The following EXD3 variants were observed in gnomAD, a reference collection of about 807,000 sequenced individuals.
EXD3 encodes exonuclease mut-7 homolog.
In EXD3, 92 loss-of-function variants were observed where a neutral mutation model predicts 98.0. The observed-to-expected ratio is 0.94, with a 90% CI of 0.79 to 1.12. The LOEUF is 1.12. Among genes scored for constraint, EXD3 ranks in the 50% most tolerant of loss-of-function variants. The pLI is 0.00. For missense variants in EXD3, 1,222 were observed against 1,191.6 expected (o/e 1.03, Z -0.38); for synonymous variants, 569 against 526.0 (o/e 1.08, Z -1.12).
chr9:137,368,929 G>C (rs1334488449), intron 5 of EXD3, among the ~76,000 whole-genome samples: 7 of 147,294 alleles, frequency 4.8e-5, no homozygotes, highest in African/African-American at 1.8e-4. Context: ...CGCCTGGCCC[G>C]GGAAGGGAGT....
At chr9:137,364,707 C>G (rs911815929) in intron 7 of EXD3, among the ~76,000 whole-genome samples, 1 of 151,346 alleles carries the variant, frequency 6.6e-6, no homozygotes, top group Non-Finnish European at 1.5e-5. Flanking sequence ...GTGTATATTT[C>G]TTTTCTTCGC....
chr9:137,358,913 T>C (rs1207872663), intron 7 of EXD3, among the ~76,000 whole-genome samples: 1 of 151,244 alleles, frequency 6.6e-6, no homozygotes, highest in African/African-American at 2.4e-5. Flanking sequence ...TTCAAACTCC[T>C]GGCCTTAAGC....
intron 1 of EXD3, among the ~76,000 whole-genome samples, chr9:137,397,387 A>G (rs551777794): frequency 1.5e-4 from 23 of 152,314 alleles, no homozygotes; most frequent in African/African-American, 5.3e-4. Context: ...CCCCAAGTTC[A>G]AGGGACTCAG....
intron 2 of EXD3, chr9:137,392,752 G>A (rs1229690737): frequency 2.8e-5 from 10 of 356,112 alleles, no homozygotes; most frequent in African/African-American, 4.5e-5. Context: ...AGGGGGCACC[G>A]AGGCTGTTCC....
chr9:137,331,494 T>C (rs1833060815), intron 17 of EXD3, among the ~76,000 whole-genome samples: 1 of 152,178 alleles, frequency 6.6e-6, no homozygotes, highest in Non-Finnish European at 1.5e-5. Context: ...ATGTTATGAC[T>C]GTATACCTCG....
In EXD3 at chr9:137,323,825, A is replaced by G; in HGVS notation, c.2084T>C (p.Leu695Pro). 6.2e-7 allele frequency: 1 copy of G among 1,611,982 alleles called. No homozygotes were observed. The highest frequency in any genetic ancestry group is 8.5e-7 in the Non-Finnish European group (1 of 1,179,702). ...LRAQVGAGRCLSVDCSLKAQQ... is the reference protein window; with the variant it reads ...LRAQVGAGRCPSVDCSLKAQQ... ...GGCCTTCAGGGAGCAGTCGACCGAG[A>G]GGCAGCGCCCAGCCCCGACCTGGGC... Residue 695 changes from leucine to proline, a missense_variant, in exon 19 of 22, where the codon CTC becomes CCC. Coordinates refer to ENST00000340951, the MANE Select transcript of EXD3 (RefSeq NM_017820.5).
Position 137,395,390 on chromosome 9 carries a change from G to C in EXD3, c.-33C>G. 1 of 1,613,178 alleles carries C rather than the reference G, an allele frequency of 6.2e-7. No individual in the cohort carries two copies. Among genetic ancestry groups the C allele is most frequent in the African/African-American group, 1.3e-5 (1 of 75,044 alleles). ...GCCGGGCCGAGGACGCTGGCAGGCA[G>C]CTAGGAACGAGGATCTGCAGAAACA... On this transcript the variant is annotated 5_prime_UTR_variant, in exon 2 of 22. Coordinates refer to ENST00000340951, the MANE Select transcript of EXD3 (RefSeq NM_017820.5). The surrounding 1 kb of genome is among the most constrained non-coding windows in gnomAD (Gnocchi z 6.5).
chr9:137,374,645 G>A, intron 3 of EXD3: 2 of 985,560 alleles, frequency 2.0e-6, no homozygotes, highest in Non-Finnish European at 2.4e-6. Flanking sequence ...CGCTGTCCAG[G>A]AGGGTGCCAT....
intron 5 of EXD3, among the ~76,000 whole-genome samples, chr9:137,368,438 C>T (rs1034472398): frequency 6.6e-6 from 1 of 152,282 alleles, no homozygotes; most frequent in East Asian, 1.9e-4. Flanking sequence ...CCAGCCTCAG[C>T]GCATCCTGAG....
At chr9:137,308,628 C>T (rs1831184305) in intron 20 of EXD3, among the ~76,000 whole-genome samples, 1 of 150,048 alleles carries the variant, frequency 6.7e-6, no homozygotes, top group Non-Finnish European at 1.5e-5. Flanking sequence ...TGAACTTGGA[C>T]TGACCCTTTT....
intron 5 of EXD3, 150 bp downstream of exon 5, chr9:137,372,755 A>AT (rs1835696084): frequency 1.3e-6 from 1 of 793,972 alleles, no homozygotes; most frequent in Non-Finnish European, 1.9e-6. Context: ...CACACAGCTG[A>AT]TGGCTGCCCA....
chr9:137,356,195 A>G (rs1834776594), intron 8 of EXD3, 73 bp downstream of exon 8: 2 of 1,159,912 alleles, frequency 1.7e-6, no homozygotes, highest in Non-Finnish European at 2.5e-6. Context: ...AGCCCCAGTC[A>G]CAGAGGATGT....
chr9:137,366,098 A>G (rs1422048378), intron 7 of EXD3: 3 of 692,410 alleles, frequency 4.3e-6, no homozygotes, highest in Non-Finnish European at 2.6e-6. Flanking sequence ...GCTCCTTGTC[A>G]GGTGCTGCCT....
In EXD3 at chr9:137,363,109, C is replaced by A. The variant is rs572239345; in HGVS notation, c.656+3384G>T. ...TACAGGCATGAGTCACCACACCCAG[C>A]CCTCTCATTCTCTTAATTCTTTAAT... On this transcript the variant is annotated intron_variant, in intron 7 of 21. Transcript: ENST00000340951. 1.8e-3 allele frequency among the ~76,000 whole-genome samples: 275 copies of A among 152,126 alleles called. 1 individual carries two copies. Among genetic ancestry groups the A allele is most frequent in the Non-Finnish European group, 3.4e-3 (231 of 68,016 alleles).
At chr9:137,333,912 C>T (rs1833225336) in intron 17 of EXD3, among the ~76,000 whole-genome samples, 1 of 151,874 alleles carries the variant, frequency 6.6e-6, no homozygotes, top group East Asian at 1.9e-4. Context: ...ACGTCATCTC[C>T]GCTCACTGCA....
At position 137,402,904 on chromosome 9, in the gene EXD3, A is replaced by C. The variant is rs117315604; in HGVS notation, c.-47-7500T>G. 2.9e-3 allele frequency among the ~76,000 whole-genome samples: 435 copies of C among 152,300 alleles called. 16 individuals are homozygous for C. The East Asian group carries it at 0.074, about 26-fold the overall frequency. Reference sequence around the variant, plus strand: ...GCAGCAAGAGAAAATGAGGAACCAAAAGTGGAAACCCTGATAAAGCCATCA... The same window carrying C: ...GCAGCAAGAGAAAATGAGGAACCAACAGTGGAAACCCTGATAAAGCCATCA... On this transcript the variant is annotated intron_variant, in intron 1 of 21. Transcript: ENST00000340951.
Position 137,395,255 on chromosome 9 carries a change from T to A in EXD3, c.55+48A>T, listed in dbSNP as rs761207137. 2.8e-4 allele frequency: 373 copies of A among 1,321,276 alleles called. No homozygotes were observed. The highest frequency in any genetic ancestry group is 3.6e-4 in the Non-Finnish European group (334 of 919,478). 81.8% of individuals were successfully genotyped at this position (1,321,276 alleles called of 1,614,324 possible). A position where few individuals can be genotyped will look rare whatever the true frequency, so the allele number is the denominator to read the frequency against. On this transcript the variant is annotated intron_variant, in intron 2 of 21. Transcript: ENST00000340951. This position sits in a 1 kb window ranked among gnomAD's most constrained non-coding sequence, Gnocchi z 6.5. ...CACCCCCCATGCACACCCACGCACC[T>A]CCCCCCACAGCCCCAGGGAGACTCG...
intron 7 of EXD3, among the ~76,000 whole-genome samples, chr9:137,358,036 T>C (rs1834881258): frequency 6.6e-6 from 1 of 152,014 alleles, no homozygotes; most frequent in Non-Finnish European, 1.5e-5. Flanking sequence ...CCTCTCCCAG[T>C]CCACTCAGTC....
At chr9:137,311,711 G>A (rs1275645935) in intron 19 of EXD3, among the ~76,000 whole-genome samples, 9 of 152,200 alleles carry the variant, frequency 5.9e-5, no homozygotes, top group African/African-American at 1.9e-4. Context: ...TGGGAAAGCC[G>A]GTTCTGGGCC....
Sources: gnomAD v4.1 joint callset for allele counts (sites outside exome capture counted in the v4.1 genomes callset) on GRCh38, gnomAD v4.1.1 for gene constraint, Gnocchi (gnomAD v3.1) non-coding constraint, MANE v1.5 for transcripts, NCBI Gene and HGNC (gene_info 2026-07-23, HGNC 2026-07-21) for gene names.